TSR2: variants seen among roughly 807,000 people sequenced by gnomAD.
TSR2 encodes pre-rRNA-processing protein TSR2 homolog.
A neutral mutation model predicts 13.3 loss-of-function variants in TSR2; 1 was observed. The observed-to-expected ratio is 0.08, with a 90% CI of 0.03 to 0.36. TSR2 has a LOEUF of 0.36. Among genes scored for constraint, TSR2 ranks in the 10% least tolerant of loss-of-function variants. The probability of loss-of-function intolerance (pLI) is 0.99; values close to 1 mark genes in which losing one functional copy is unlikely to be tolerated. For synonymous variants in TSR2, 60 were observed against 57.7 expected, an observed-to-expected ratio of 1.04 and a Z score of -0.18; for missense variants, 120 against 151.1, an observed-to-expected ratio of 0.79 and a Z score of 1.08.
Position 54,446,437 on chromosome X carries a change from T to C in TSR2, c.*1887T>C. 1.7e-6 allele frequency: 2 copies of C among 1,194,705 alleles called. No homozygotes were observed. The highest frequency in any genetic ancestry group is 2.3e-6 in the Non-Finnish European group (2 of 883,919). On this transcript the variant is annotated 3_prime_UTR_variant, in exon 5 of 5. Coordinates refer to ENST00000375151, the MANE Select transcript of TSR2 (RefSeq NM_058163.3). ...ATCCTGGCGGGAGGAGGGACAGAGC[T>C]GGGGCCACCTTGGGGCTAGACCTTT...
Position 54,444,904 on chromosome X carries a change from TG to T in TSR2, c.*358del. On this transcript the variant is annotated 3_prime_UTR_variant, in exon 5 of 5. Coordinates refer to ENST00000375151, the MANE Select transcript of TSR2 (RefSeq NM_058163.3). ...CCGGTGGACAGTGGGCAGGTGGATT[TG>T]GGGAGGAGAGGATCAGCAGCAGCAG... 7.6e-6 allele frequency: 1 copy of T among 132,391 alleles called. No individual in the cohort carries two copies. Among genetic ancestry groups the T allele is most frequent in the Non-Finnish European group, 1.5e-5 (1 of 65,997 alleles). 10.9% of individuals were successfully genotyped at this position (132,391 alleles called of 1,213,427 possible).
Position 54,447,181 on chromosome X carries a change from G to T in TSR2, c.*2631G>T. 1.3e-6 allele frequency: 1 copy of T among 743,782 alleles called. No homozygotes were observed. Among genetic ancestry groups the T allele is most frequent in the East Asian group, 3.4e-5 (1 of 29,360 alleles). 61.3% of individuals were successfully genotyped at this position (743,782 alleles called of 1,213,427 possible). ...TTTGTCTCTCAAGGGTTGGGGTTCT[G>T]ATTTCCTCTTAGAGATAGGCTCACC... On this transcript the variant is annotated 3_prime_UTR_variant, in exon 5 of 5. Coordinates refer to ENST00000375151, the MANE Select transcript of TSR2 (RefSeq NM_058163.3).
chrX:54,441,387 C>T (rs2147413790), intron 2 of TSR2, among the ~76,000 whole-genome samples: 1 of 111,666 alleles, frequency 9.0e-6, no homozygotes, highest in Admixed American at 9.6e-5. Flanking sequence ...GGGCCTGTTG[C>T]ATAGTATGGT....
intron 2 of TSR2, among the ~76,000 whole-genome samples, chrX:54,441,402 A>T (rs1039417693): frequency 1.8e-5 from 2 of 111,513 alleles, no homozygotes; most frequent in Admixed American, 9.6e-5. Flanking sequence ...TATGGTTTTT[A>T]AAAAAATCTT....
At chrX:54,441,553 G>C (rs1384287171) in intron 2 of TSR2, among the ~76,000 whole-genome samples, 2 of 112,156 alleles carry the variant, frequency 1.8e-5, no homozygotes. Context: ...GGTGCATGGG[G>C]TAACAGGATG....
chrX:54,443,539 C>A, intron 3 of TSR2, 48 bp downstream of exon 3: 1 of 956,572 alleles, frequency 1.0e-6, no homozygotes, highest in Non-Finnish European at 1.5e-6. Flanking sequence ...TGTAGTCTTT[C>A]TTCTCCCCAG....
Position 54,444,611 on chromosome X carries a change from G to GT in TSR2, c.*61_*62insT. The GT allele has an allele frequency of 2.7e-6, 3 of 1,131,034 alleles. No homozygotes were observed. The highest frequency in any genetic ancestry group is 1.8e-5 in the African/African-American group (1 of 54,978). The allele number at this position is 1,131,034 out of a possible 1,213,427, so 93.2% of individuals were successfully genotyped here. A position where few individuals can be genotyped will look rare whatever the true frequency, so the allele number is the denominator to read the frequency against. On this transcript the variant is annotated 3_prime_UTR_variant, in exon 5 of 5. Coordinates refer to ENST00000375151, the MANE Select transcript of TSR2 (RefSeq NM_058163.3). ...TGCTGTTCTAAGAGTTGTCTGTAGG[G>GT]GTTTTTTTTTTGAGGATTGCAGACC...
intron 2 of TSR2, among the ~76,000 whole-genome samples, chrX:54,442,223 G>A (rs1057269168): frequency 2.7e-5 from 3 of 111,429 alleles, no homozygotes; most frequent in Non-Finnish European, 3.8e-5. Context: ...TGATGAGAAC[G>A]CTGTTTTTGT....
At chrX:54,442,362 G>A (rs1921967010) in intron 2 of TSR2, among the ~76,000 whole-genome samples, 1 of 111,133 alleles carries the variant, frequency 9.0e-6, no homozygotes, top group Admixed American at 9.7e-5. Flanking sequence ...GGTTTGAGTT[G>A]ATGGGTGGAT....
At chrX:54,442,878 A>G (rs1481310350) in intron 2 of TSR2, among the ~76,000 whole-genome samples, 1 of 112,580 alleles carries the variant, frequency 8.9e-6, no homozygotes, top group African/African-American at 3.2e-5. Flanking sequence ...AGAAATTAAC[A>G]TGGATCATGG....
chrX:54,444,141 C>T lies in TSR2; in HGVS notation c.398C>T (p.Thr133Ile). 8.3e-7 allele frequency: 1 copy of T among 1,211,243 alleles called. No individual in the cohort carries two copies. The highest frequency in any genetic ancestry group is 1.1e-6 in the Non-Finnish European group (1 of 895,278). The part of the protein sequence containing the change: ...TATALKTARE[T>I]DEDEDDVDSV... The stretch of plus-strand genomic sequence containing the variant: ...ACTGCACTTAAGACAGCTAGAGAGA[C>T]TGATGAGGATGAAGATGATGTGGAC... The change falls in exon 4 of 5, where the codon ACT (threonine) becomes ATT (isoleucine). Residue 133 changes from threonine (T) to isoleucine (I), a missense_variant. Coordinates refer to ENST00000375151, the MANE Select transcript of TSR2 (RefSeq NM_058163.3).
rs768347430 is a variant in TSR2, at chrX:54,444,470, C to A, written c.496C>A (p.Pro166Thr). 1.4e-5 allele frequency: 17 copies of A among 1,210,342 alleles called. No individual in the cohort carries two copies. The highest frequency in any genetic ancestry group is 1.8e-5 in the Non-Finnish European group (16 of 894,421). Residue 166 changes from proline to threonine, a missense_variant, in exon 5 of 5, where the codon CCC becomes ACC. This residue lies in a region of TSR2 where 55 missense variants were observed against 61.3 expected (regional missense o/e 0.90). Transcript: ENST00000375151. ...AGATGGGGTCTGCCCCCAGCCTGAACCCTCTGATCCAGACGCTCAGACTAT... is the reference window on the plus strand; with the variant it reads ...AGATGGGGTCTGCCCCCAGCCTGAAACCTCTGATCCAGACGCTCAGACTAT... ...ATDGVCPQPE[P>T]SDPDAQTIKE...
chrX:54,444,766 T>C lies in TSR2; in HGVS notation c.*216T>C. 1 of 309,056 alleles carries C rather than the reference T, an allele frequency of 3.2e-6. No homozygotes were observed. The highest frequency in any genetic ancestry group is 5.7e-6 in the Non-Finnish European group (1 of 174,720). The allele number at this position is 309,056 out of a possible 1,213,427, so 25.5% of individuals were successfully genotyped here. On this transcript the variant is annotated 3_prime_UTR_variant, in exon 5 of 5. Coordinates refer to ENST00000375151, the MANE Select transcript of TSR2 (RefSeq NM_058163.3). ...TTTCCAGCATATTCCCCTGGGCCTT[T>C]AGTTAACATCCGAGTGACGAAGCCG...
In TSR2 at chrX:54,446,340, G is replaced by A. The variant is rs1922174653; in HGVS notation, c.*1790G>A. ...GGGTGATCTTGAAGACATGCCTTCT[G>A]TCAGGCCGCTCCCCTGCCTCGGGCG... On this transcript the variant is annotated 3_prime_UTR_variant, in exon 5 of 5. Coordinates refer to ENST00000375151, the MANE Select transcript of TSR2 (RefSeq NM_058163.3). The A allele has an allele frequency of 5.0e-6, 6 of 1,210,916 alleles. No homozygotes were observed. Among genetic ancestry groups the A allele is most frequent in the Non-Finnish European group, 6.7e-6 (6 of 894,971 alleles).
Position 54,443,476 on chromosome X carries a change from C to T in TSR2, c.249C>T (p.Asp83=), listed in dbSNP as rs774632984. The T allele has an allele frequency of 9.2e-6, 11 of 1,200,189 alleles. No individual in the cohort carries two copies. The highest frequency in any genetic ancestry group is 7.0e-5 in the African/African-American group (4 of 57,228). ...LTNEFDTVVE[D]GSLPQVSQQL... ...ACGAGTTTGATACAGTTGTGGAAGA[C>T]GGGAGTCTGCCCCAGGTGAGCTTAT... is the stretch of plus-strand genomic sequence containing the variant. The change falls in exon 3 of 5, where the codon GAC becomes GAT. Residue 83 remains aspartate (D), a synonymous_variant. Coordinates refer to ENST00000375151, the MANE Select transcript of TSR2 (RefSeq NM_058163.3).
chrX:54,446,338 C>G lies in TSR2; in HGVS notation c.*1788C>G. 8.3e-7 allele frequency: 1 copy of G among 1,211,098 alleles called. No individual in the cohort carries two copies. Among genetic ancestry groups the G allele is most frequent in the Non-Finnish European group, 1.1e-6 (1 of 895,109 alleles). On this transcript the variant is annotated 3_prime_UTR_variant, in exon 5 of 5. Transcript: ENST00000375151. Reference sequence around the variant, plus strand: ...CTGGGTGATCTTGAAGACATGCCTTCTGTCAGGCCGCTCCCCTGCCTCGGG... The same window carrying G: ...CTGGGTGATCTTGAAGACATGCCTTGTGTCAGGCCGCTCCCCTGCCTCGGG...
chrX:54,443,359 G>A (rs1202535804), intron 2 of TSR2, 41 bp from the exon 3 acceptor site: 2 of 1,019,114 alleles, frequency 2.0e-6, no homozygotes, highest in Non-Finnish European at 2.8e-6. Flanking sequence ...TGATGAAGTT[G>A]GCTGGTCTTT....
rs750940208 is a variant in TSR2 at position 54,446,122 on chromosome X, C to T, written c.*1572C>T. The T allele has an allele frequency of 1.3e-5, 16 of 1,206,035 alleles. No homozygotes were observed. The highest frequency in any genetic ancestry group is 1.8e-5 in the African/African-American group (1 of 56,775). ...GTCCCAAACCCTCTAGGTCTTGTCT[C>T]GGGTCTGGGGGGATTCGGGGGGTTC... On this transcript the variant is annotated 3_prime_UTR_variant, in exon 5 of 5. Coordinates refer to ENST00000375151, the MANE Select transcript of TSR2 (RefSeq NM_058163.3).
chrX:54,444,061 T>C lies in TSR2; in HGVS notation c.318T>C (p.Ala106=), dbSNP rs766021494. Residue 106 remains alanine (A), a synonymous_variant, in exon 4 of 5, where the codon GCT becomes GCC. Transcript: ENST00000375151. The part of the protein sequence containing the change: ...MFHHFQRGDG[A]ALREMASCIT... Reference sequence around the variant, plus strand: ...ACCACTTCCAGAGGGGTGATGGGGCTGCTCTGAGGGAGATGGCCTCCTGCA... The same window carrying C: ...ACCACTTCCAGAGGGGTGATGGGGCCGCTCTGAGGGAGATGGCCTCCTGCA... 180 of 1,210,513 alleles carry C rather than the reference T, an allele frequency of 1.5e-4. 1 individual carries two copies. In the Middle Eastern group the frequency reaches 4.6e-3, roughly 31 times the overall value.
Sources: allele counts gnomAD v4.1 joint callset (sites outside exome capture counted in the v4.1 genomes callset), GRCh38; gene constraint gnomAD v4.1.1; regional missense constraint gnomAD v4.1.1; transcripts MANE v1.5; gene names NCBI Gene and HGNC (gene_info 2026-07-23, HGNC 2026-07-21).